CARD8: variants seen among roughly 807,000 people sequenced by gnomAD.
CARD8 encodes caspase recruitment domain family member 8.
Under a neutral mutation model 53.2 loss-of-function variants are expected in CARD8, and 38 were observed. That is an observed-to-expected ratio of 0.71 (90% confidence interval 0.55 to 0.94). The LOEUF is 0.94. CARD8 is among the 40% of genes least tolerant of loss of function. The pLI is 0.00. For missense variants in CARD8, 561 were observed against 655.5 expected, an observed-to-expected ratio of 0.86 and a Z score of 1.57; for synonymous variants, 245 against 244.9, an observed-to-expected ratio of 1.00 and a Z score of 0.00.
chr19:48,227,800 CA>C (rs2042082585), intron 10 of CARD8, among the ~76,000 whole-genome samples: 1 of 72,772 alleles, frequency 1.4e-5, no homozygotes. Flanking sequence ...TAGACTCCAT[CA>C]CAAAAAAAAA....
At chr19:48,204,111 C>T (rs879763184), downstream of CARD8, 29 of 452,852 alleles carry the variant, frequency 6.4e-5, no homozygotes, top group Non-Finnish European at 8.0e-5. Flanking sequence ...TCTCCTTGTC[C>T]AAAGGGTCTG....
downstream of CARD8, among the ~76,000 whole-genome samples, chr19:48,204,753 C>A (rs2037281162): frequency 2.0e-5 from 3 of 152,040 alleles, no homozygotes; most frequent in African/African-American, 7.2e-5. Context: ...TAAAGAGAAG[C>A]TGGAAGTTTT....
In CARD8 at chr19:48,210,521, A is replaced by G. The variant is rs555523610; in HGVS notation, c.*1189T>C. On this transcript the variant is annotated 3_prime_UTR_variant, in exon 14 of 14. Transcript: ENST00000651546. ...TATAATAATTTATTGATGGGTTTTAAGATACAGAAAGATTATGTAGAAGAT... is the reference window on the plus strand; with the variant it reads ...TATAATAATTTATTGATGGGTTTTAGGATACAGAAAGATTATGTAGAAGAT... The G allele has an allele frequency of 8.5e-4, 129 of 151,594 alleles. No individual in the cohort carries two copies. The highest frequency in any genetic ancestry group is 3.1e-3 in the African/African-American group (126 of 40,892). The allele number at this position is 151,594 out of a possible 1,614,324, so 9.4% of individuals were successfully genotyped here.
chr19:48,207,767 A>T, downstream of CARD8, among the ~76,000 whole-genome samples: 1 of 44,806 alleles, frequency 2.2e-5, no homozygotes. Context: ...ACAGAATGAG[A>T]CTCTGTCAGC....
Position 48,238,402 on chromosome 19 carries a change from C to G in CARD8, c.190G>C (p.Ala64Pro), listed in dbSNP as rs751801409. The G allele has an allele frequency of 6.5e-7, 1 of 1,535,986 alleles. No homozygotes were observed. Among genetic ancestry groups the G allele is most frequent in the African/African-American group, 1.4e-5 (1 of 73,028 alleles). ...TKTGIFFQAE[A>P]CVTNDTVYRE... The stretch of plus-strand genomic sequence containing the variant: ...CCTTACGTATCATTTGTCACACAGG[C>G]CTCAGCCTGAAAAAAAATTCCAGTT... The change falls in exon 5 of 14, where the codon GCC becomes CCC. Residue 64 changes from alanine (A) to proline (P), a missense_variant. Physicochemically the swap from Ala to Pro is conservative, Grantham distance 27. Coordinates refer to ENST00000651546, the MANE Select transcript of CARD8 (RefSeq NM_001184900.3).
chr19:48,238,498 TG>T lies in CARD8; in HGVS notation c.93del (p.Lys32AsnfsTer35). The T allele has an allele frequency of 6.5e-7, 1 of 1,536,532 alleles. No individual in the cohort carries two copies. Among genetic ancestry groups the T allele is most frequent in the South Asian group, 1.2e-5 (1 of 84,066 alleles). ...DSGSSRNIDA[S>X]KLIRLQGSRK... ...CGTGATCCTTGTAGTCTAATGAGTTTGGATGCATCTATGTTCCTACTGGATC... is the reference window on the plus strand; with the variant it reads ...CGTGATCCTTGTAGTCTAATGAGTTTGATGCATCTATGTTCCTACTGGATC... On this transcript the variant is annotated frameshift_variant, in exon 5 of 14. Coordinates refer to ENST00000651546, the MANE Select transcript of CARD8 (RefSeq NM_001184900.3). LOFTEE classifies it high-confidence loss of function.
chr19:48,237,668 G>A (rs2044156045), intron 5 of CARD8, among the ~76,000 whole-genome samples: 1 of 151,456 alleles, frequency 6.6e-6, no homozygotes, highest in African/African-American at 2.4e-5. Context: ...GTGGTAGTGG[G>A]CACCTGTAAT....
rs555510334 is a variant in CARD8, at chr19:48,254,774, G to T, written c.-252+1018C>A. Among the ~76,000 whole-genome samples the T allele has an allele frequency of 6.5e-4, 99 of 152,276 alleles. 4 individuals carry two copies. The South Asian group carries it at 0.02, about 31-fold the overall frequency. ...TGACAAATAGAGCCAGGAAGGCCAT[G>T]AAGAGAGGGCTCTTATCCTTGCATG... is the stretch of plus-strand genomic sequence containing the variant. On this transcript the variant is annotated intron_variant, in intron 1 of 13. Transcript: ENST00000651546.
chr19:48,218,158 CT>C (rs56044721), intron 12 of CARD8, among the ~76,000 whole-genome samples: 4 of 148,928 alleles, frequency 2.7e-5, no homozygotes, highest in African/African-American at 4.9e-5. Context: ...ATAGATTTCT[CT>C]TTTTTTTTTC....
intron 3 of CARD8, among the ~76,000 whole-genome samples, chr19:48,243,931 G>T (rs574059823): frequency 1.3e-5 from 2 of 152,258 alleles, no homozygotes; most frequent in Non-Finnish European, 2.9e-5. Flanking sequence ...ATAGGATTAA[G>T]TAGAAGTTAT....
chr19:48,219,245 A>C (rs1395567839), intron 11 of CARD8, among the ~76,000 whole-genome samples: 1 of 152,140 alleles, frequency 6.6e-6, no homozygotes, highest in Non-Finnish European at 1.5e-5. Context: ...TCAGAGAAAA[A>C]CTATCTGAGC....
chr19:48,221,927 TTATATGG>T, intron 10 of CARD8, 72 bp from the exon 11 acceptor site: 1 of 1,316,924 alleles, frequency 7.6e-7, no homozygotes, highest in Non-Finnish European at 1.0e-6. Context: ...AAAAAGTTAT[TTATATGG>T]TATATTAAGT....
At chr19:48,234,289 A>G in intron 6 of CARD8, 114 bp downstream of exon 6, 1 of 1,080,570 alleles carries the variant, frequency 9.3e-7, no homozygotes, top group East Asian at 2.5e-5. Flanking sequence ...GCATAAGCTC[A>G]TTCATTCTCC....
intron 6 of CARD8, chr19:48,233,376 C>T (rs897556290): frequency 2.2e-5 from 10 of 456,082 alleles, no homozygotes; most frequent in East Asian, 1.4e-4. Context: ...GAAACTGACA[C>T]GTGGATTAGG....
intron 3 of CARD8, among the ~76,000 whole-genome samples, chr19:48,243,852 A>T (rs2045647744): frequency 6.6e-6 from 1 of 152,234 alleles, no homozygotes; most frequent in Non-Finnish European, 1.5e-5. Context: ...CCTCATTTCA[A>T]GAAACGAAAT....
In CARD8 at chr19:48,218,885, G is replaced by C. The variant is rs775278068; in HGVS notation, c.1289C>G (p.Thr430Ser). Residue 430 changes from threonine to serine, a missense_variant, in exon 12 of 14, where the codon ACT becomes AGT. Thr to Ser is a moderately conservative substitution (Grantham distance 58). Transcript: ENST00000651546. ...EKRHGTLVWD[T>S]EVKPVDLQLV... ...CACTCACCTACCTGGCTTCACCTCA[G>C]TATCCCACACCAAAGTCCCATGTCT... The C allele has an allele frequency of 2.5e-6, 4 of 1,614,146 alleles. No individual in the cohort carries two copies. The highest frequency in any genetic ancestry group is 3.4e-6 in the Non-Finnish European group (4 of 1,180,002).
At chr19:48,244,031 T>C (rs559966151) in intron 3 of CARD8, among the ~76,000 whole-genome samples, 19 of 152,224 alleles carry the variant, frequency 1.2e-4, no homozygotes, top group African/African-American at 4.1e-4. Flanking sequence ...TATGATCAAT[T>C]ACAGCAGTTG....
intron 3 of CARD8, among the ~76,000 whole-genome samples, chr19:48,243,529 T>G (rs1169633609): frequency 6.6e-6 from 1 of 152,234 alleles, no homozygotes; most frequent in Non-Finnish European, 1.5e-5. Flanking sequence ...TCTCACAGCC[T>G]GCGAAAAATT....
intron 13 of CARD8, among the ~76,000 whole-genome samples, chr19:48,214,470 C>T (rs1006044651): frequency 6.6e-6 from 1 of 152,174 alleles, no homozygotes; most frequent in Admixed American, 6.5e-5. Flanking sequence ...CAGAGTTTAA[C>T]TGGCCTATAA....
Sources: gnomAD v4.1 joint callset for allele counts (sites outside exome capture counted in the v4.1 genomes callset) on GRCh38, gnomAD v4.1.1 for gene constraint, MANE v1.5 for transcripts, NCBI Gene and HGNC (gene_info 2026-07-23, HGNC 2026-07-21) for gene names.